The following RYR2 variants were observed in gnomAD, a reference collection of about 807,000 sequenced individuals.
RYR2 encodes the protein cardiac muscle ryanodine receptor-calcium release channel.
A neutral mutation model predicts 601.1 loss-of-function variants in RYR2; 227 were observed. The ratio of observed to expected loss-of-function variants is 0.38; its 90% confidence interval spans 0.34 to 0.42. The LOEUF is 0.42. RYR2 is among the 10% of genes least tolerant of loss of function. The pLI, the probability that RYR2 is intolerant of heterozygous loss-of-function variation, is 1.00. For missense variants in RYR2, 4,646 were observed against 6,156.5 expected (o/e 0.75, Z 8.21); for synonymous variants, 2,223 against 2,175.1 (o/e 1.02, Z -0.61).
At chr1:237,712,543 A>T (rs572907269) in intron 71 of RYR2, among the ~76,000 whole-genome samples, 181 of 152,046 alleles carry the variant, frequency 1.2e-3, no homozygotes, top group African/African-American at 4.2e-3. Flanking sequence ...ACACACACAC[A>T]CTCACACACA....
chr1:237,635,509 C>A (rs1490356722), intron 44 of RYR2, among the ~76,000 whole-genome samples: 1 of 152,186 alleles, frequency 6.6e-6, no homozygotes, highest in Non-Finnish European at 1.5e-5. Context: ...GCCGTGCACT[C>A]TAAGGATACT....
chr1:237,496,029 G>A (rs1664032654), intron 19 of RYR2, among the ~76,000 whole-genome samples: 1 of 152,060 alleles, frequency 6.6e-6, no homozygotes, highest in Admixed American at 6.5e-5. Flanking sequence ...CTACCTCAGT[G>A]GTAGTTTTAA....
At chr1:237,435,583 G>A (rs1707259432) in intron 12 of RYR2, among the ~76,000 whole-genome samples, 1 of 151,940 alleles carries the variant, frequency 6.6e-6, no homozygotes, top group Non-Finnish European at 1.5e-5. Context: ...AGAAGATAGA[G>A]AAATTCAGTT....
chr1:237,630,589 T>C (rs1013302798), intron 41 of RYR2, among the ~76,000 whole-genome samples: 11 of 152,174 alleles, frequency 7.2e-5, no homozygotes, highest in African/African-American at 2.4e-4. Flanking sequence ...AATTTTCTCA[T>C]AGGCTGTATG....
At chr1:237,338,741 A>G (rs922299034) in intron 3 of RYR2, among the ~76,000 whole-genome samples, 2 of 152,288 alleles carry the variant, frequency 1.3e-5, no homozygotes, top group Middle Eastern at 3.4e-3. Context: ...GAGGCACTAC[A>G]TCGTAAAGCC....
intron 8 of RYR2, among the ~76,000 whole-genome samples, chr1:237,382,497 C>T (rs149147683): frequency 2.9e-3 from 436 of 151,250 alleles, no homozygotes; most frequent in Non-Finnish European, 5.1e-3. Context: ...ATTTACATTA[C>T]GTATATCTCC....
chr1:237,355,764 G>C (rs1699240211), intron 3 of RYR2, among the ~76,000 whole-genome samples: 1 of 152,040 alleles, frequency 6.6e-6, no homozygotes, highest in African/African-American at 2.4e-5. Context: ...AGTTCTGATT[G>C]CTAAATTAAC....
At chr1:237,660,737 A>C in intron 55 of RYR2, 73 bp from the exon 56 acceptor site, 4 of 1,343,470 alleles carry the variant, frequency 3.0e-6, no homozygotes, top group Non-Finnish European at 4.0e-6. Flanking sequence ...AGTCTATTTT[A>C]GAGCAAAGCG....
At chr1:237,056,686 GC>G (rs1220924690) in intron 1 of RYR2, among the ~76,000 whole-genome samples, 6,018 of 93,920 alleles carry the variant, frequency 0.064, 80 homozygotes, top group East Asian at 0.15. Context: ...GAGGACTGGA[GC>G]ACTGCACCTG....
At chr1:237,601,091 C>T (rs1676450614) in intron 34 of RYR2, among the ~76,000 whole-genome samples, 1 of 151,970 alleles carries the variant, frequency 6.6e-6, no homozygotes. Context: ...GGTATATATC[C>T]CAAGGAAAGG....
chr1:237,403,857 A>G (rs1343193966), intron 10 of RYR2, among the ~76,000 whole-genome samples: 1 of 152,260 alleles, frequency 6.6e-6, no homozygotes, highest in East Asian at 1.9e-4. Context: ...GAAACGGAAA[A>G]AAAGCCACAG....
intron 10 of RYR2, among the ~76,000 whole-genome samples, chr1:237,406,972 A>G (rs1408981530): frequency 6.6e-6 from 1 of 152,168 alleles, no homozygotes; most frequent in East Asian, 1.9e-4. Flanking sequence ...CTGCTCTCAA[A>G]ATTCCCTGTT....
At chr1:237,604,323 TGGG>T (rs1676856842) in intron 35 of RYR2, among the ~76,000 whole-genome samples, 1 of 151,946 alleles carries the variant, frequency 6.6e-6, no homozygotes, top group Non-Finnish European at 1.5e-5. Context: ...TGAATGACTA[TGGG>T]GTACATAACA....
chr1:237,270,681 A>G (rs1689593952), intron 2 of RYR2, 65 bp downstream of exon 2: 1 of 1,500,670 alleles, frequency 6.7e-7, no homozygotes, highest in South Asian at 1.2e-5. Context: ...GAAGTTATTT[A>G]TGAGCTCTCT....
chr1:237,084,892 T>A (rs1666138191), intron 1 of RYR2, among the ~76,000 whole-genome samples: 1 of 152,252 alleles, frequency 6.6e-6, no homozygotes, highest in Admixed American at 6.5e-5. Flanking sequence ...GGCCCTCTTG[T>A]ATACATACCC....
Position 237,417,056 on chromosome 1 carries a change from C to G in RYR2, c.781C>G (p.His261Asp). 6.2e-7 allele frequency: 1 copy of G among 1,613,644 alleles called. No homozygotes were observed. Among genetic ancestry groups the G allele is most frequent in the Non-Finnish European group, 8.5e-7 (1 of 1,179,648 alleles). Residue 261 changes from histidine (H) to aspartate (D), a missense_variant, in exon 11 of 105, where the codon CAT becomes GAT. Physicochemically the swap from His to Asp is moderately conservative, Grantham distance 81 (BLOSUM62 -1). Coordinates refer to ENST00000366574, the MANE Select transcript of RYR2 (RefSeq NM_001035.3). ...GTTTGTTTGTTGAAACAGAACTGTT[C>G]ATTATGAAGGTGGCGCTGTGTCTGT... ...EHGEEQRRTV[H>D]YEGGAVSVHA...
intron 1 of RYR2, among the ~76,000 whole-genome samples, chr1:237,249,992 G>C (rs888438): frequency 6.6e-6 from 1 of 152,004 alleles, no homozygotes; most frequent in Non-Finnish European, 1.5e-5. Flanking sequence ...TCTACTCTTC[G>C]ATTTACAGAG....
intron 1 of RYR2, among the ~76,000 whole-genome samples, chr1:237,119,284 C>T (rs1430101481): frequency 1.3e-5 from 2 of 152,180 alleles, no homozygotes; most frequent in East Asian, 3.8e-4. Context: ...ACCACTCCTG[C>T]CAACACTTCA....
intron 2 of RYR2, among the ~76,000 whole-genome samples, chr1:237,303,074 T>C (rs1041508673): frequency 3.3e-5 from 5 of 152,170 alleles, no homozygotes; most frequent in East Asian, 1.9e-4. Flanking sequence ...GTGGTGAGGC[T>C]GACCTTTCCC....
Sources: allele counts gnomAD v4.1 joint callset (sites outside exome capture counted in the v4.1 genomes callset), GRCh38; gene constraint gnomAD v4.1.1; transcripts MANE v1.5; gene names NCBI Gene and HGNC (gene_info 2026-07-23, HGNC 2026-07-21).